The following GRIP1 variants were observed in gnomAD, a reference collection of about 807,000 sequenced individuals.
GRIP1 encodes the protein glutamate receptor-interacting protein 1.
GRIP1 carries 45 observed loss-of-function variants against 129.9 expected under a neutral mutation model. That is an observed-to-expected ratio of 0.35 (90% CI 0.27 to 0.44). GRIP1 has a LOEUF of 0.44. Ranked by LOEUF, GRIP1 falls within the 20% of genes least tolerant of loss-of-function variation. The pLI is 1.00. For missense variants in GRIP1, 1,196 were observed against 1,396.8 expected, an observed-to-expected ratio of 0.86 and a Z score of 2.29; for synonymous variants, 530 against 520.8, an observed-to-expected ratio of 1.02 and a Z score of -0.24.
chr12:66,910,389 T>C (rs1196633089), intron 1 of GRIP1, among the ~76,000 whole-genome samples: 2 of 152,220 alleles, frequency 1.3e-5, no homozygotes, highest in Non-Finnish European at 2.9e-5. Context: ...GGAGTGACCA[T>C]GGGCTTGCAA....
Position 66,405,271 on chromosome 12 carries a change from A to G in GRIP1, c.1984+1012T>C, listed in dbSNP as rs1298455556. Among the ~76,000 whole-genome samples, 3 of 152,200 alleles carry G rather than the reference A, an allele frequency of 2.0e-5. No individual in the cohort carries two copies. In the South Asian group the frequency reaches 6.2e-4, roughly 32 times the overall value. On this transcript the variant is annotated intron_variant, in intron 16 of 24. Transcript: ENST00000359742. ...ACTTGTAAGTATAATCAGCAGAACC[A>G]TATTAATAGGAAAGGCCTTGACTTT...
intron 1 of GRIP1, among the ~76,000 whole-genome samples, chr12:66,981,458 TATA>T (rs1461290311): frequency 6.6e-6 from 1 of 152,180 alleles, no homozygotes; most frequent in Non-Finnish European, 1.5e-5. Flanking sequence ...TATAAATGAC[TATA>T]ATATTAAACA....
chr12:66,868,050 G>A (rs2040235241), intron 1 of GRIP1, among the ~76,000 whole-genome samples: 2 of 152,068 alleles, frequency 1.3e-5, no homozygotes. Flanking sequence ...ATAACAACAG[G>A]TATCACATAC....
intron 1 of GRIP1, among the ~76,000 whole-genome samples, chr12:67,008,923 G>GA (rs5798851): frequency 1.8e-4 from 28 of 151,812 alleles, no homozygotes; most frequent in Admixed American, 1.1e-3. Flanking sequence ...CTTTCTCCAG[G>GA]AAAAAAAAAG....
At chr12:66,918,258 G>A (rs2041159243) in intron 1 of GRIP1, among the ~76,000 whole-genome samples, 1 of 151,996 alleles carries the variant, frequency 6.6e-6, no homozygotes. Flanking sequence ...GAAAAAAAAA[G>A]GTGATGTTCT....
intron 1 of GRIP1, among the ~76,000 whole-genome samples, chr12:66,826,980 G>C (rs1592882563): frequency 6.6e-6 from 1 of 152,212 alleles, no homozygotes; most frequent in Middle Eastern, 3.4e-3. Flanking sequence ...CAAAGCAGCA[G>C]CTTGCCTAAT....
At chr12:66,552,372 T>C (rs987629877) in intron 2 of GRIP1, among the ~76,000 whole-genome samples, 1 of 152,186 alleles carries the variant, frequency 6.6e-6, no homozygotes, top group African/African-American at 2.4e-5. Context: ...TGAAGAAATT[T>C]GTGATACTTT....
chr12:66,942,747 T>C (rs570030473), intron 1 of GRIP1, among the ~76,000 whole-genome samples: 1 of 152,174 alleles, frequency 6.6e-6, no homozygotes, highest in African/African-American at 2.4e-5. Context: ...AAAATTTATA[T>C]GTTGAAATCC....
At chr12:66,760,768 C>T (rs769491523) in intron 1 of GRIP1, among the ~76,000 whole-genome samples, 19 of 151,424 alleles carry the variant, frequency 1.3e-4, no homozygotes, top group Admixed American at 3.9e-4. Context: ...ATGAAGATTA[C>T]GGAATATGAA....
chr12:66,573,899 T>A (rs1305687707), intron 2 of GRIP1, among the ~76,000 whole-genome samples: 1 of 152,176 alleles, frequency 6.6e-6, no homozygotes, highest in African/African-American at 2.4e-5. Flanking sequence ...GAGAGGGGGA[T>A]CATGCTGGTT....
intron 1 of GRIP1, among the ~76,000 whole-genome samples, chr12:66,786,648 A>G (rs896751970): frequency 2.0e-5 from 3 of 152,130 alleles, no homozygotes; most frequent in Non-Finnish European, 2.9e-5. Flanking sequence ...TCTGCCTGGG[A>G]GGTGCTGCAG....
At chr12:66,841,425 G>A (rs1202964624) in intron 1 of GRIP1, among the ~76,000 whole-genome samples, 3 of 152,196 alleles carry the variant, frequency 2.0e-5, no homozygotes, top group Non-Finnish European at 2.9e-5. Flanking sequence ...AAGAGAGAGA[G>A]AGATTAAGTA....
chr12:66,612,646 C>T (rs553231815), intron 1 of GRIP1, among the ~76,000 whole-genome samples: 2 of 144,652 alleles, frequency 1.4e-5, no homozygotes, highest in East Asian at 2.0e-4. Context: ...AACAAACAAA[C>T]CACAAAACAA....
rs74098228 is a variant in GRIP1 at position 66,671,351 on chromosome 12, C to A, written c.55+7499G>T. Among the ~76,000 whole-genome samples, 1,069 of 152,274 alleles carry A rather than the reference C, an allele frequency of 7.0e-3. 14 individuals are homozygous for A. The highest frequency in any genetic ancestry group is 0.024 in the African/African-American group (1,014 of 41,550). On this transcript the variant is annotated intron_variant, in intron 1 of 24. Transcript: ENST00000359742. ...CTGCCATCTGTCTCGTGGTCTCACA[C>A]TCACACTGTCTTGCCTGGTTCTAGA... is the stretch of plus-strand genomic sequence containing the variant.
At chr12:66,431,109 A>G (rs1260565440) in intron 14 of GRIP1, among the ~76,000 whole-genome samples, 1 of 152,220 alleles carries the variant, frequency 6.6e-6, no homozygotes, top group Admixed American at 6.5e-5. Context: ...GAGTGTTTGC[A>G]TGCAGAAGCC....
chr12:67,066,776 C>T (rs2043632712), intron 1 of GRIP1, among the ~76,000 whole-genome samples: 1 of 151,504 alleles, frequency 6.6e-6, no homozygotes, highest in South Asian at 2.1e-4. Flanking sequence ...AAATAGAAAA[C>T]ATCTCTCATC....
At chr12:66,551,602 C>G (rs1438359061) in intron 2 of GRIP1, among the ~76,000 whole-genome samples, 1 of 119,186 alleles carries the variant, frequency 8.4e-6, no homozygotes, top group Non-Finnish European at 1.6e-5. Flanking sequence ...GAGACAAGGT[C>G]TCACTCTATT....
At chr12:66,698,812 G>C (rs1216062117) in intron 1 of GRIP1, among the ~76,000 whole-genome samples, 1 of 152,070 alleles carries the variant, frequency 6.6e-6, no homozygotes, top group East Asian at 1.9e-4. Flanking sequence ...TAACAAACTT[G>C]GTTATTTCTT....
At chr12:66,377,356 C>A (rs1297050943) in intron 20 of GRIP1, 71 bp from the exon 21 acceptor site, 2 of 986,044 alleles carry the variant, frequency 2.0e-6, no homozygotes, top group Middle Eastern at 3.0e-4. Context: ...GAGACGGAGT[C>A]TCTCTCTGTC....
Sources: gnomAD v4.1 joint callset for allele counts (sites outside exome capture counted in the v4.1 genomes callset) on GRCh38, gnomAD v4.1.1 for gene constraint, MANE v1.5 for transcripts, NCBI Gene and HGNC (gene_info 2026-07-23, HGNC 2026-07-21) for gene names.